Variants in SHROOM3 observed in about 807,000 individuals in gnomAD.
SHROOM3 encodes shroom family member 3.
SHROOM3 carries 47 observed loss-of-function variants against 138.6 expected under a neutral mutation model. That is an observed-to-expected ratio of 0.34 (90% CI 0.27 to 0.43). The LOEUF (loss-of-function observed/expected upper bound fraction) is 0.43. SHROOM3 is among the 20% of genes least tolerant of loss of function. The pLI, the probability that SHROOM3 is intolerant of heterozygous loss-of-function variation, is 1.00. For synonymous variants in SHROOM3, 1,062 were observed against 1,063.3 expected (o/e 1.00, Z 0.02); for missense variants, 2,491 against 2,596.5 (o/e 0.96, Z 0.88).
At chr4:76,606,007 A>ATTTTT (rs1164704632) in intron 2 of SHROOM3, among the ~76,000 whole-genome samples, 22 of 77,834 alleles carry the variant, frequency 2.8e-4, no homozygotes, top group Non-Finnish European at 4.5e-4. Context: ...ATATATATAT[A>ATTTTT]TTTTTTTTTT....
intron 1 of SHROOM3, among the ~76,000 whole-genome samples, chr4:76,444,738 C>T (rs55940751): frequency 0.32 from 47,880 of 151,284 alleles, 8,923 homozygotes; most frequent in Non-Finnish European, 0.43. Flanking sequence ...TCGTGATCCG[C>T]CTGCTTCGGC....
chr4:76,757,372 G>A (rs1049003605), intron 8 of SHROOM3, among the ~76,000 whole-genome samples: 3 of 152,128 alleles, frequency 2.0e-5, no homozygotes, highest in East Asian at 1.9e-4. Context: ...CCCCATGACT[G>A]TGCCTGTCTC....
chr4:76,651,888 T>C (rs1560580578), intron 2 of SHROOM3, among the ~76,000 whole-genome samples: 1 of 152,216 alleles, frequency 6.6e-6, no homozygotes, highest in Non-Finnish European at 1.5e-5. Flanking sequence ...AGCTTCACAA[T>C]GTCCAGCTTT....
At chr4:76,559,460 A>G (rs768431797) in intron 2 of SHROOM3, 1 of 152,030 alleles carries the variant, frequency 6.6e-6, no homozygotes, top group Non-Finnish European at 1.5e-5. Flanking sequence ...TCATTTATTA[A>G]CTTTCTTTTT....
intron 3 of SHROOM3, among the ~76,000 whole-genome samples, chr4:76,721,606 GCT>G (rs1270317390): frequency 6.6e-6 from 1 of 152,188 alleles, no homozygotes; most frequent in Admixed American, 6.5e-5. Context: ...AAACTCCTGA[GCT>G]CAAGCAATTC....
intron 4 of SHROOM3, among the ~76,000 whole-genome samples, chr4:76,735,861 AAAAAAAAATATATATATATATAT>A (rs1349065611): frequency 5.7e-3 from 121 of 21,404 alleles, no homozygotes; most frequent in African/African-American, 0.015. Context: ...AAAAAAAAAA[AAAAAAAAATATATATATATATAT>A]ATATATATAT....
chr4:76,544,964 T>C (rs1257618255), intron 1 of SHROOM3, among the ~76,000 whole-genome samples: 5 of 152,218 alleles, frequency 3.3e-5, no homozygotes, highest in Non-Finnish European at 7.3e-5. Context: ...ACCTGGATAA[T>C]AAATACCTAG....
chr4:76,691,841 A>G (rs1320418246), intron 2 of SHROOM3, among the ~76,000 whole-genome samples: 1 of 152,174 alleles, frequency 6.6e-6, no homozygotes, highest in Non-Finnish European at 1.5e-5. Flanking sequence ...CAGAACCCAT[A>G]CAGACCTTTG....
At chr4:76,465,209 T>C (rs1731227080) in intron 1 of SHROOM3, among the ~76,000 whole-genome samples, 1 of 152,246 alleles carries the variant, frequency 6.6e-6, no homozygotes, top group Non-Finnish European at 1.5e-5. Flanking sequence ...TACCTATTTA[T>C]TCCAAAACTG....
chr4:76,650,102 G>T (rs1735920045), intron 2 of SHROOM3, among the ~76,000 whole-genome samples: 1 of 152,132 alleles, frequency 6.6e-6, no homozygotes, highest in Admixed American at 6.5e-5. Context: ...TACTTATAAT[G>T]ATATTAATCC....
Position 76,633,261 on chromosome 4 carries a change from A to G in SHROOM3, c.324-76895A>G, listed in dbSNP as rs143318042. ...GAGGCTGAGGCATGAGAATCGCTTG[A>G]ATCTGGGAAGTGGAGGTTGCAGTGG... On this transcript the variant is annotated intron_variant, in intron 2 of 10. Coordinates refer to ENST00000296043, the MANE Select transcript of SHROOM3 (RefSeq NM_020859.4). 8.6e-3 allele frequency among the ~76,000 whole-genome samples: 1,288 copies of G among 149,672 alleles called. 15 individuals carry two copies. Among genetic ancestry groups the G allele is most frequent in the African/African-American group, 0.03 (1,221 of 40,532 alleles).
chr4:76,625,031 T>C (rs1040790935), intron 2 of SHROOM3, among the ~76,000 whole-genome samples: 1 of 152,222 alleles, frequency 6.6e-6, no homozygotes, highest in African/African-American at 2.4e-5. Flanking sequence ...TCAAGTACCC[T>C]TGAATTGTAT....
intron 9 of SHROOM3, among the ~76,000 whole-genome samples, chr4:76,768,998 A>G (rs1722256501): frequency 6.6e-6 from 1 of 152,204 alleles, no homozygotes; most frequent in African/African-American, 2.4e-5. Context: ...ATATTTCCCT[A>G]GTCATTGTGA....
chr4:76,529,531 T>A (rs1488130435), intron 1 of SHROOM3, among the ~76,000 whole-genome samples: 1 of 152,132 alleles, frequency 6.6e-6, no homozygotes, highest in Non-Finnish European at 1.5e-5. Flanking sequence ...TTCACCATGT[T>A]AGCCAGGATG....
chr4:76,709,506 T>TTC (rs931112250), intron 2 of SHROOM3, among the ~76,000 whole-genome samples: 8 of 152,192 alleles, frequency 5.3e-5, no homozygotes, highest in African/African-American at 1.9e-4. Flanking sequence ...CTTAAAATTT[T>TTC]TCTCTGACTC....
chr4:76,447,069 T>A (rs1730822297), intron 1 of SHROOM3, among the ~76,000 whole-genome samples: 1 of 152,230 alleles, frequency 6.6e-6, no homozygotes, highest in Non-Finnish European at 1.5e-5. Flanking sequence ...AAGCCATTGC[T>A]ACCTGCTAGG....
At chr4:76,691,316 C>G (rs997734537) in intron 2 of SHROOM3, among the ~76,000 whole-genome samples, 3 of 152,150 alleles carry the variant, frequency 2.0e-5, no homozygotes, top group Non-Finnish European at 4.4e-5. Flanking sequence ...TAAAGGAAGA[C>G]TAGGTCACTA....
intron 2 of SHROOM3, among the ~76,000 whole-genome samples, chr4:76,677,701 G>A (rs1158315860): frequency 6.6e-6 from 1 of 152,184 alleles, no homozygotes; most frequent in Non-Finnish European, 1.5e-5. Context: ...GCCAATACAA[G>A]CACATGTTGG....
intron 1 of SHROOM3, among the ~76,000 whole-genome samples, chr4:76,511,054 C>T (rs531001934): frequency 2.1e-4 from 32 of 152,028 alleles, no homozygotes; most frequent in African/African-American, 7.2e-4. Context: ...TGGTGGTTGG[C>T]GCCTGTAATC....
Sources: gnomAD v4.1 joint callset for allele counts (sites outside exome capture counted in the v4.1 genomes callset) on GRCh38, gnomAD v4.1.1 for gene constraint, MANE v1.5 for transcripts, NCBI Gene and HGNC (gene_info 2026-07-23, HGNC 2026-07-21) for gene names.